SNTB2: variants seen among roughly 807,000 people sequenced by gnomAD.
The protein encoded by SNTB2 is beta-2-syntrophin.
A neutral mutation model predicts 46.2 loss-of-function variants in SNTB2; 34 were observed. The ratio of observed to expected loss-of-function variants is 0.74; its 90% CI spans 0.56 to 0.98. The LOEUF (loss-of-function observed/expected upper bound fraction) is 0.98, where lower values mean the gene tolerates loss of function less well. Ranked by LOEUF, SNTB2 falls within the 50% of genes least tolerant of loss-of-function variation. SNTB2 has a pLI of 0.00. For synonymous variants in SNTB2, 290 were observed against 312.6 expected, an observed-to-expected ratio of 0.93 and a Z score of 0.76; for missense variants, 603 against 731.4, an observed-to-expected ratio of 0.82 and a Z score of 2.02.
At position 69,301,146 on chromosome 16, in the gene SNTB2, G is replaced by A; in HGVS notation, c.*222G>A. 2.4e-6 allele frequency: 1 copy of A among 416,262 alleles called. No individual in the cohort carries two copies. Among genetic ancestry groups the A allele is most frequent in the Non-Finnish European group, 4.4e-6 (1 of 229,108 alleles). 25.8% of individuals were successfully genotyped at this position (416,262 alleles called of 1,614,324 possible). A position where few individuals can be genotyped will look rare whatever the true frequency, so the allele number is the denominator to read the frequency against. On this transcript the variant is annotated 3_prime_UTR_variant, in exon 7 of 7. Coordinates refer to ENST00000336278, the MANE Select transcript of SNTB2 (RefSeq NM_006750.4). ...CTCTAAAAGGCTCCAAAATGAAGCT[G>A]TTGATTTATTCTCATTTCAAAATAT...
intron 4 of SNTB2, among the ~76,000 whole-genome samples, chr16:69,273,230 A>G (rs1178293755): frequency 2.6e-5 from 4 of 152,230 alleles, no homozygotes; most frequent in African/African-American, 9.6e-5. Flanking sequence ...TCCATTCCTA[A>G]GTTATGCCTA....
At position 69,266,037 on chromosome 16, in the gene SNTB2, A is replaced by G. The variant is rs1359614035; in HGVS notation, c.1006-4106A>G. On this transcript the variant is annotated intron_variant, in intron 3 of 6. Coordinates refer to ENST00000336278, the MANE Select transcript of SNTB2 (RefSeq NM_006750.4). ...ACACATACTATATAGAGCAGACAGC[A>G]TTTGACTTCACTGAAAGCAAACAGT... Among the ~76,000 whole-genome samples, 5 of 152,224 alleles carry G rather than the reference A, an allele frequency of 3.3e-5. No homozygotes were observed. In the East Asian group the frequency reaches 7.7e-4, roughly 24 times the overall value.
intron 1 of SNTB2, among the ~76,000 whole-genome samples, chr16:69,224,627 C>T (rs1964441975): frequency 6.6e-6 from 1 of 152,194 alleles, no homozygotes; most frequent in South Asian, 2.1e-4. Context: ...ACAATGATTA[C>T]TATAGTGTTT....
At chr16:69,234,859 T>A (rs750765302) in intron 1 of SNTB2, among the ~76,000 whole-genome samples, 3 of 152,096 alleles carry the variant, frequency 2.0e-5, no homozygotes, top group African/African-American at 4.8e-5. Context: ...CCCGTCACCA[T>A]GCCCAGCTAA....
At chr16:69,191,269 C>T (rs896754409) in intron 1 of SNTB2, 2 of 146,678 alleles carry the variant, frequency 1.4e-5, no homozygotes, top group South Asian at 4.4e-4. Flanking sequence ...AAAAGAAAAA[C>T]CAAGTGTGGT....
chr16:69,237,366 G>C (rs1964568419), intron 1 of SNTB2, among the ~76,000 whole-genome samples: 2 of 152,070 alleles, frequency 1.3e-5, no homozygotes, highest in Non-Finnish European at 2.9e-5. Flanking sequence ...CTTTGGATTG[G>C]GTAAGAAAAC....
intron 1 of SNTB2, among the ~76,000 whole-genome samples, chr16:69,211,536 GAA>G (rs71254074): frequency 1.1e-4 from 11 of 96,018 alleles, no homozygotes; most frequent in Admixed American, 2.3e-4. Context: ...CATCTCAAGG[GAA>G]AAAAAAAAAA....
In SNTB2 at chr16:69,284,065, C is replaced by T; in HGVS notation, c.1166C>T (p.Ser389Phe). 1 of 1,612,408 alleles carries T rather than the reference C, an allele frequency of 6.2e-7. No homozygotes were observed. The highest frequency in any genetic ancestry group is 1.1e-5 in the South Asian group (1 of 90,848). ...GGTCCTAGGTTGGTTCATTCTGGCT[C>T]CGGATGTCGATCCCCCTCCCTTGGA... is the stretch of plus-strand genomic sequence containing the variant. ...LVATRLVHSG[S>F]GCRSPSLGSD... The change falls in exon 5 of 7, where the codon TCC (serine) becomes TTC (phenylalanine). Residue 389 changes from serine (S) to phenylalanine (F), a missense_variant. Coordinates refer to ENST00000336278, the MANE Select transcript of SNTB2 (RefSeq NM_006750.4).
chr16:69,188,972 G>T (rs143149474), intron 1 of SNTB2, among the ~76,000 whole-genome samples: 2 of 152,258 alleles, frequency 1.3e-5, no homozygotes, highest in African/African-American at 2.4e-5. Context: ...GAGTCAGGAG[G>T]GTATTCCTGG....
intron 3 of SNTB2, 128 bp from the exon 4 acceptor site, chr16:69,270,015 C>T (rs1964923004): frequency 2.0e-6 from 2 of 1,022,180 alleles, no homozygotes; most frequent in Non-Finnish European, 3.0e-6. Flanking sequence ...GAGATGTTTC[C>T]TGAATGTAAA....
chr16:69,235,416 T>C (rs533455130), intron 1 of SNTB2, among the ~76,000 whole-genome samples: 1 of 152,282 alleles, frequency 6.6e-6, no homozygotes, highest in African/African-American at 2.4e-5. Context: ...GAAACAATAT[T>C]GAGTAACATT....
At chr16:69,225,754 A>G (rs1366887697) in intron 1 of SNTB2, among the ~76,000 whole-genome samples, 5 of 152,196 alleles carry the variant, frequency 3.3e-5, no homozygotes, top group African/African-American at 1.2e-4. Flanking sequence ...GTTGTTGAAA[A>G]GGGGGGAACA....
intron 1 of SNTB2, among the ~76,000 whole-genome samples, chr16:69,235,530 A>G (rs1042201454): frequency 9.2e-5 from 14 of 152,182 alleles, no homozygotes; most frequent in African/African-American, 3.4e-4. Flanking sequence ...GACTTTAATC[A>G]CTGTAAATGT....
chr16:69,196,652 C>A, intron 1 of SNTB2, among the ~76,000 whole-genome samples: 1 of 152,078 alleles, frequency 6.6e-6, no homozygotes, highest in East Asian at 1.9e-4. Context: ...GGATTACAGG[C>A]GTGAGCCACC....
intron 5 of SNTB2, among the ~76,000 whole-genome samples, chr16:69,291,598 A>G (rs898703624): frequency 2.0e-5 from 3 of 152,034 alleles, no homozygotes; most frequent in Non-Finnish European, 4.4e-5. Context: ...AGTCTTAGCT[A>G]TTTGGGAGAC....
At chr16:69,228,313 C>T (rs1964477236) in intron 1 of SNTB2, among the ~76,000 whole-genome samples, 1 of 151,746 alleles carries the variant, frequency 6.6e-6, no homozygotes, top group South Asian at 2.1e-4. Context: ...CGAGACTAGC[C>T]TGGCCAACAT....
At chr16:69,188,696 A>T (rs1324241255) in intron 1 of SNTB2, among the ~76,000 whole-genome samples, 1 of 152,182 alleles carries the variant, frequency 6.6e-6, no homozygotes, top group Non-Finnish European at 1.5e-5. Context: ...ACTGGTGATT[A>T]TGGCTAGCTG....
chr16:69,208,044 G>A (rs1254478496), intron 1 of SNTB2, among the ~76,000 whole-genome samples: 1 of 150,938 alleles, frequency 6.6e-6, no homozygotes, highest in Non-Finnish European at 1.5e-5. Flanking sequence ...GGGAGGTAGA[G>A]GTTGCAGTAA....
At chr16:69,192,772 G>A (rs1044290986) in intron 1 of SNTB2, among the ~76,000 whole-genome samples, 3 of 152,122 alleles carry the variant, frequency 2.0e-5, no homozygotes, top group South Asian at 4.2e-4. Context: ...AACAAAACTC[G>A]TGAAATAATT....
Sources: gnomAD v4.1 joint callset for allele counts (sites outside exome capture counted in the v4.1 genomes callset) on GRCh38, gnomAD v4.1.1 for gene constraint, MANE v1.5 for transcripts, NCBI Gene and HGNC (gene_info 2026-07-23, HGNC 2026-07-21) for gene names.